Variants in PALM2AKAP2 observed in about 807,000 individuals in gnomAD.
PALM2AKAP2 encodes the protein PALM2 and AKAP2 fusion.
A neutral mutation model predicts 71.5 loss-of-function variants in PALM2AKAP2; 37 were observed. The ratio of observed to expected loss-of-function variants is 0.52; its 90% CI spans 0.40 to 0.68. The LOEUF is 0.68. PALM2AKAP2 is among the 30% of genes least tolerant of loss of function. The probability of loss-of-function intolerance (pLI) is 0.00; values close to 1 mark genes in which losing one functional copy is unlikely to be tolerated. For missense variants in PALM2AKAP2, 1,224 were observed against 1,191.8 expected, an observed-to-expected ratio of 1.03 and a Z score of -0.40; for synonymous variants, 468 against 478.8, an observed-to-expected ratio of 0.98 and a Z score of 0.29.
upstream of PALM2AKAP2, among the ~76,000 whole-genome samples, chr9:109,778,958 A>T (rs927065712): frequency 1.3e-5 from 2 of 151,616 alleles, no homozygotes; most frequent in Admixed American, 1.3e-4. Flanking sequence ...TTAGTAGAGA[A>T]GGGGTTTCAC....
In PALM2AKAP2 at chr9:110,097,833, G is replaced by A. The variant is rs1465177319; in HGVS notation, c.157-38294G>A. Among the ~76,000 whole-genome samples, 5 of 139,380 alleles carry A rather than the reference G, an allele frequency of 3.6e-5. 1 individual carries two copies. The highest frequency in any genetic ancestry group is 6.2e-5 in the African/African-American group (2 of 32,450). The allele number at this position is 139,380 out of a possible 152,430, so 91.4% of individuals were successfully genotyped here. Reference sequence around the variant, plus strand: ...GCTGCTGGGAGGTGGATGTTGTAGCGAGCTGAGATCATGCCACTGCACTCC... The same window carrying A: ...GCTGCTGGGAGGTGGATGTTGTAGCAAGCTGAGATCATGCCACTGCACTCC... On this transcript the variant is annotated intron_variant, in intron 1 of 3. Coordinates refer to ENST00000374525, the Ensembl canonical transcript of PALM2AKAP2.
Position 110,137,517 on chromosome 9 carries a change from T to A in PALM2AKAP2, c.1547T>A (p.Leu516Ter). 6.2e-7 allele frequency: 1 copy of A among 1,614,116 alleles called. No individual in the cohort carries two copies. Among genetic ancestry groups the A allele is most frequent in the Non-Finnish European group, 8.5e-7 (1 of 1,180,008 alleles). Residue 516 changes from leucine (L) to a stop codon, truncating the protein, a stop_gained, in exon 2 of 4, where the codon TTA becomes TAA. Coordinates refer to ENST00000374525, the Ensembl canonical transcript of PALM2AKAP2. LOFTEE classifies it high-confidence loss of function. The stretch of plus-strand genomic sequence containing the variant: ...AGCGAGCCTTCTAAACGTGGGCCCT[T>A]ATCTAAACTGTGGGCTGAGGATGGA...
intron 1 of PALM2AKAP2, among the ~76,000 whole-genome samples, chr9:109,655,298 CAAAAAA>C (rs10598253): frequency 9.1e-6 from 1 of 110,412 alleles, no homozygotes. Flanking sequence ...GACTCGGTCT[CAAAAAA>C]AAAAAAAAAA....
In PALM2AKAP2 at chr9:109,756,435, G is replaced by T. The variant is rs75604287; in HGVS notation, c.6-24053G>T. On this transcript the variant is annotated intron_variant, in intron 1 of 6. Transcript: ENST00000374531. Reference sequence around the variant, plus strand: ...TGATCTGTTACATACAGATGTTGTGGATATGTTTTCCTATTTTGTTGTTTG... The same window carrying T: ...TGATCTGTTACATACAGATGTTGTGTATATGTTTTCCTATTTTGTTGTTTG... 4.8e-3 allele frequency among the ~76,000 whole-genome samples: 738 copies of T among 152,234 alleles called. 9 individuals carry two copies. The highest frequency in any genetic ancestry group is 0.01 in the Admixed American group (158 of 15,282).
At chr9:110,097,573 C>T (rs1588107635) in intron 1 of PALM2AKAP2, among the ~76,000 whole-genome samples, 1 of 150,660 alleles carries the variant, frequency 6.6e-6, no homozygotes, top group Non-Finnish European at 1.5e-5. Context: ...GGTGGCCGGG[C>T]AGAGACGCTC....
intron 1 of PALM2AKAP2, among the ~76,000 whole-genome samples, chr9:109,866,272 C>T (rs185710233): frequency 2.6e-5 from 4 of 152,106 alleles, no homozygotes; most frequent in Admixed American, 6.6e-5. Context: ...GCCAGGCTTC[C>T]GCATTGTTGT....
chr9:109,732,111 T>C (rs138245340), intron 1 of PALM2AKAP2, among the ~76,000 whole-genome samples: 1 of 152,318 alleles, frequency 6.6e-6, no homozygotes, highest in Non-Finnish European at 1.5e-5. Context: ...CAAATTCAAA[T>C]TACCTGCGTC....
intron 1 of PALM2AKAP2, among the ~76,000 whole-genome samples, chr9:109,764,769 T>G (rs1438990207): frequency 1.3e-5 from 2 of 151,994 alleles, no homozygotes; most frequent in Non-Finnish European, 2.9e-5. Context: ...GATGGATGGA[T>G]AGATGGATGC....
chr9:110,095,654 GGAA>G (rs1335873246), intron 1 of PALM2AKAP2, among the ~76,000 whole-genome samples: 1 of 152,092 alleles, frequency 6.6e-6, no homozygotes, highest in African/African-American at 2.4e-5. Context: ...TAGGAGACGG[GGAA>G]GAAGACCGTT....
At chr9:109,758,123 C>T (rs766130511) in intron 1 of PALM2AKAP2, among the ~76,000 whole-genome samples, 8 of 152,074 alleles carry the variant, frequency 5.3e-5, no homozygotes, top group Non-Finnish European at 1.0e-4. Flanking sequence ...TACTAACATA[C>T]TGCACACTAT....
intron 7 of PALM2AKAP2, 56 bp downstream of exon 7, chr9:110,016,095 C>T (rs373709099): frequency 2.2e-4 from 339 of 1,552,466 alleles, no homozygotes; most frequent in African/African-American, 1.1e-3. Flanking sequence ...TAAAGGCAGC[C>T]GATGGCAGGT....
chr9:109,882,595 T>G (rs1829878305), intron 3 of PALM2AKAP2, among the ~76,000 whole-genome samples: 1 of 152,202 alleles, frequency 6.6e-6, no homozygotes, highest in Non-Finnish European at 1.5e-5. Flanking sequence ...AGAAAGGATT[T>G]GGAAAATAGG....
intron 1 of PALM2AKAP2, among the ~76,000 whole-genome samples, chr9:109,723,013 C>T (rs1053699110): frequency 1.3e-5 from 2 of 152,144 alleles, no homozygotes; most frequent in African/African-American, 4.8e-5. Flanking sequence ...CTCGCGTTTT[C>T]TGGAAACTCC....
chr9:110,070,715 G>A (rs377273072), intron 1 of PALM2AKAP2, among the ~76,000 whole-genome samples: 2 of 152,320 alleles, frequency 1.3e-5, no homozygotes, highest in African/African-American at 4.8e-5. Context: ...CATAGAGAGA[G>A]GAGCCTGACC....
chr9:109,702,128 T>C (rs545121788), intron 1 of PALM2AKAP2, among the ~76,000 whole-genome samples: 13 of 152,216 alleles, frequency 8.5e-5, no homozygotes, highest in African/African-American at 3.1e-4. Context: ...TAGGAACATT[T>C]TTACAGTGTT....
At chr9:109,768,603 A>G (rs1366253842) in intron 1 of PALM2AKAP2, among the ~76,000 whole-genome samples, 1 of 152,228 alleles carries the variant, frequency 6.6e-6, no homozygotes, top group African/African-American at 2.4e-5. Context: ...AGTTCCACAC[A>G]GTCACATACT....
At chr9:109,960,216 T>A (rs1437125753) in intron 6 of PALM2AKAP2, among the ~76,000 whole-genome samples, 1 of 152,152 alleles carries the variant, frequency 6.6e-6, no homozygotes, top group Non-Finnish European at 1.5e-5. Flanking sequence ...GAAGCCTTCA[T>A]CCTGCTCAGC....
chr9:109,701,639 T>C (rs1173957558), intron 1 of PALM2AKAP2, among the ~76,000 whole-genome samples: 1 of 152,164 alleles, frequency 6.6e-6, no homozygotes, highest in South Asian at 2.1e-4. Context: ...ACCATAAAAA[T>C]CCTAGAAGAA....
At chr9:109,952,945 A>T (rs1831672287) in intron 6 of PALM2AKAP2, among the ~76,000 whole-genome samples, 1 of 152,188 alleles carries the variant, frequency 6.6e-6, no homozygotes, top group African/African-American at 2.4e-5. Flanking sequence ...GACAAATGTT[A>T]GTTTAGTTAT....
Sources: allele counts gnomAD v4.1 joint callset (sites outside exome capture counted in the v4.1 genomes callset), GRCh38; gene constraint gnomAD v4.1.1; transcripts MANE v1.5; gene names NCBI Gene and HGNC (gene_info 2026-07-23, HGNC 2026-07-21).